The following LINGO2 variants were observed in gnomAD, a reference collection of about 807,000 sequenced individuals.
LINGO2 encodes leucine-rich repeat and immunoglobulin-like domain-containing nogo receptor-interacting protein 2.
LINGO2 carries 14 observed loss-of-function variants against 30.6 expected under a neutral mutation model. That is an observed-to-expected ratio of 0.46 (90% CI 0.30 to 0.72). The LOEUF is 0.72. LINGO2 is among the 30% of genes least tolerant of loss of function. The pLI is 0.07. For synonymous variants in LINGO2, 317 were observed against 288.5 expected (o/e 1.10, Z -1.00); for missense variants, 729 against 751.7 (o/e 0.97, Z 0.35).
At chr9:28,425,360 C>T (rs1823366873) in intron 2 of LINGO2, among the ~76,000 whole-genome samples, 2 of 149,256 alleles carry the variant, frequency 1.3e-5, no homozygotes, top group Non-Finnish European at 3.0e-5. Flanking sequence ...CATACATATA[C>T]ACATATATTG....
intron 3 of LINGO2, among the ~76,000 whole-genome samples, chr9:28,331,993 T>A (rs10812782): frequency 6.6e-6 from 1 of 151,970 alleles, no homozygotes; most frequent in Non-Finnish European, 1.5e-5. Flanking sequence ...CATTTGTAGA[T>A]AATAAAGTTC....
intron 4 of LINGO2, among the ~76,000 whole-genome samples, chr9:28,089,514 A>G (rs1160972834): frequency 6.6e-6 from 1 of 152,174 alleles, no homozygotes; most frequent in Admixed American, 6.6e-5. Context: ...TTTTTGAACC[A>G]ATGAGAACAA....
the LINGO2 span, among the ~76,000 whole-genome samples, chr9:29,123,109 G>T: frequency 6.6e-6 from 1 of 151,924 alleles, no homozygotes; most frequent in African/African-American, 2.4e-5. Flanking sequence ...ATCCCACACA[G>T]GACAGAACAG....
At chr9:28,055,007 G>C (rs764197424) in intron 4 of LINGO2, among the ~76,000 whole-genome samples, 1 of 150,412 alleles carries the variant, frequency 6.6e-6, no homozygotes, top group Non-Finnish European at 1.5e-5. Flanking sequence ...TTTGCTTTCT[G>C]ATTAAAACAA....
intron 1 of LINGO2, among the ~76,000 whole-genome samples, chr9:28,663,201 C>T (rs1193768177): frequency 1.3e-5 from 2 of 151,992 alleles, no homozygotes; most frequent in Non-Finnish European, 2.9e-5. Context: ...AACGGAGTCT[C>T]ACTCTGTTGC....
intron 1 of LINGO2, among the ~76,000 whole-genome samples, chr9:28,603,108 A>T (rs1436655296): frequency 6.6e-6 from 1 of 152,090 alleles, no homozygotes; most frequent in Non-Finnish European, 1.5e-5. Context: ...CTGCTTTTAC[A>T]AGTATGTGTT....
intron 3 of LINGO2, among the ~76,000 whole-genome samples, chr9:28,346,501 G>C (rs1173525174): frequency 6.6e-6 from 1 of 152,098 alleles, no homozygotes; most frequent in African/African-American, 2.4e-5. Flanking sequence ...ATGAACATAC[G>C]TGTGCATGTG....
intron 1 of LINGO2, among the ~76,000 whole-genome samples, chr9:28,584,226 C>A (rs778537517): frequency 2.0e-4 from 31 of 152,018 alleles, no homozygotes; most frequent in Non-Finnish European, 4.3e-4. Flanking sequence ...AGTATTTATA[C>A]TGTTCACACT....
At chr9:29,010,826 G>A in the LINGO2 span, among the ~76,000 whole-genome samples, 120 of 152,122 alleles carry the variant, frequency 7.9e-4, no homozygotes, top group Admixed American at 2.3e-3. Context: ...AGGTTGCAGT[G>A]AGCCAAGATT....
chr9:28,489,896 C>CAAAAAAAAAAAAAAAAAAAAAAAAAA (rs36068240), intron 1 of LINGO2, among the ~76,000 whole-genome samples: 1 of 66,920 alleles, frequency 1.5e-5, no homozygotes, highest in Non-Finnish European at 2.9e-5. Context: ...GACTTTGTCT[C>CAAAAAAAAAAAAAAAAAAAAAAAAAA]AAAAAAAAAA....
At chr9:29,180,520 C>T in the LINGO2 span, among the ~76,000 whole-genome samples, 1 of 152,044 alleles carries the variant, frequency 6.6e-6, no homozygotes, top group South Asian at 2.1e-4. Flanking sequence ...CATATAAATC[C>T]TATATGTCTC....
At chr9:28,575,487 A>T (rs1372523554) in intron 1 of LINGO2, among the ~76,000 whole-genome samples, 1 of 152,086 alleles carries the variant, frequency 6.6e-6, no homozygotes, top group Middle Eastern at 3.2e-3. Context: ...GTACACATGG[A>T]CATAAAGATG....
chr9:28,995,346 T>C, the LINGO2 span, among the ~76,000 whole-genome samples: 19 of 152,076 alleles, frequency 1.2e-4, no homozygotes, highest in South Asian at 1.2e-3. Flanking sequence ...GTTACAATGG[T>C]GATCATTAAA....
intron 4 of LINGO2, among the ~76,000 whole-genome samples, chr9:28,056,873 G>C (rs1439185594): frequency 2.0e-5 from 3 of 152,082 alleles, no homozygotes; most frequent in Non-Finnish European, 4.4e-5. Context: ...TAAAATACAA[G>C]AATGATAGAA....
At chr9:28,117,628 A>C (rs1312353543) in intron 4 of LINGO2, among the ~76,000 whole-genome samples, 1 of 124,764 alleles carries the variant, frequency 8.0e-6, no homozygotes, top group African/African-American at 3.1e-5. Context: ...CCGTTTCTTA[A>C]GCCGGTCTGA....
intron 4 of LINGO2, among the ~76,000 whole-genome samples, chr9:28,178,523 A>T (rs1011671953): frequency 6.6e-6 from 1 of 152,186 alleles, no homozygotes; most frequent in African/African-American, 2.4e-5. Context: ...ATTAATATTC[A>T]TTACAAAAAT....
the LINGO2 span, among the ~76,000 whole-genome samples, chr9:28,885,579 G>A: frequency 1.3e-5 from 2 of 151,718 alleles, no homozygotes; most frequent in African/African-American, 4.8e-5. Context: ...GTTAAAGTGT[G>A]TCAATAGCAA....
intron 5 of LINGO2, among the ~76,000 whole-genome samples, chr9:27,961,025 A>G (rs541582630): frequency 2.6e-5 from 4 of 152,308 alleles, no homozygotes; most frequent in Non-Finnish European, 4.4e-5. Flanking sequence ...TGAAAGCAAT[A>G]TGCATTCAGC....
At chr9:28,991,633 C>T in the LINGO2 span, among the ~76,000 whole-genome samples, 1 of 149,154 alleles carries the variant, frequency 6.7e-6, no homozygotes, top group East Asian at 2.0e-4. Flanking sequence ...GGGTTACCCA[C>T]AAAGGGAAGC....
Sources: allele counts gnomAD v4.1 joint callset (sites outside exome capture counted in the v4.1 genomes callset), GRCh38; gene constraint gnomAD v4.1.1; transcripts MANE v1.5; gene names NCBI Gene and HGNC (gene_info 2026-07-23, HGNC 2026-07-21).